Variants in MOB1B observed in about 807,000 individuals in gnomAD.
The protein encoded by MOB1B is MOB1 Mps One Binder homolog B.
Under a neutral mutation model 24.4 loss-of-function variants are expected in MOB1B, and 19 were observed. The observed-to-expected ratio is 0.78, with a 90% CI of 0.54 to 1.14. The LOEUF (loss-of-function observed/expected upper bound fraction) is 1.14. Ranked by LOEUF, MOB1B falls within the 50% of genes most tolerant of loss-of-function variation. The pLI is 0.00. For missense variants in MOB1B, 243 were observed against 259.6 expected, an observed-to-expected ratio of 0.94 and a Z score of 0.44; for synonymous variants, 76 against 82.1, an observed-to-expected ratio of 0.93 and a Z score of 0.40.
intron 5 of MOB1B, 99 bp from the exon 6 acceptor site, chr4:70,981,881 A>G (rs1201909466): frequency 7.4e-6 from 6 of 810,714 alleles, no homozygotes; most frequent in South Asian, 1.6e-5. Flanking sequence ...ATGTACTTCA[A>G]AAGCTAATTT....
intron 1 of MOB1B, among the ~76,000 whole-genome samples, chr4:70,949,203 T>A (rs1015513169): frequency 6.6e-6 from 1 of 152,204 alleles, no homozygotes; most frequent in African/African-American, 2.4e-5. Flanking sequence ...CAGATAGTGT[T>A]CTTTCTTTTT....
At chr4:70,974,451 C>T (rs1293163833) in intron 3 of MOB1B, among the ~76,000 whole-genome samples, 1 of 152,040 alleles carries the variant, frequency 6.6e-6, no homozygotes, top group African/African-American at 2.4e-5. Context: ...CTTGAGTCTG[C>T]GTTTTCTACT....
chr4:70,954,435 AT>A (rs1560653137), intron 1 of MOB1B, among the ~76,000 whole-genome samples: 1 of 152,026 alleles, frequency 6.6e-6, no homozygotes, highest in African/African-American at 2.4e-5. Context: ...TTGAATTCAG[AT>A]TTTATTTTTT....
At chr4:70,913,300 GTAT>G (rs1560629046) in intron 1 of MOB1B, among the ~76,000 whole-genome samples, 1 of 147,316 alleles carries the variant, frequency 6.8e-6, no homozygotes, top group East Asian at 2.1e-4. Flanking sequence ...ATGTATGTAT[GTAT>G]CTATGTATTT....
intron 2 of MOB1B, among the ~76,000 whole-genome samples, chr4:70,967,770 T>G (rs913939762): frequency 3.9e-5 from 6 of 152,154 alleles, no homozygotes; most frequent in African/African-American, 1.4e-4. Flanking sequence ...GGAACAAATC[T>G]AATGAAACCT....
At chr4:70,959,479 G>A (rs929325876) in intron 2 of MOB1B, among the ~76,000 whole-genome samples, 1 of 152,142 alleles carries the variant, frequency 6.6e-6, no homozygotes, top group Non-Finnish European at 1.5e-5. Context: ...CTTTCACGGT[G>A]CTAGGATTAC....
At position 70,982,413 on chromosome 4, in the gene MOB1B, T is replaced by C. The variant is rs1739243242; in HGVS notation, c.*356T>C. 1 of 171,848 alleles carries C rather than the reference T, an allele frequency of 5.8e-6. No homozygotes were observed. Among genetic ancestry groups the C allele is most frequent in the Non-Finnish European group, 1.2e-5 (1 of 80,816 alleles). 10.6% of individuals were successfully genotyped at this position (171,848 alleles called of 1,614,324 possible). A position where few individuals can be genotyped will look rare whatever the true frequency, so the allele number is the denominator to read the frequency against. On this transcript the variant is annotated 3_prime_UTR_variant, in exon 6 of 6. Transcript: ENST00000309395. ...TATAAATTGTGGCCCATTTATGAAG[T>C]CCCCAAAAGAGTTATGTTTTTAAGT...
At chr4:70,956,878 C>CTTGAA (rs1262256098) in intron 1 of MOB1B, among the ~76,000 whole-genome samples, 1 of 152,106 alleles carries the variant, frequency 6.6e-6, no homozygotes, top group African/African-American at 2.4e-5. Context: ...ATACCTGTTA[C>CTTGAA]TTGAATTGTA....
At position 70,983,746 on chromosome 4, in the gene MOB1B, A is replaced by C. The variant is rs1411799407; in HGVS notation, c.*1689A>C. On this transcript the variant is annotated 3_prime_UTR_variant, in exon 6 of 6. Coordinates refer to ENST00000309395, the MANE Select transcript of MOB1B (RefSeq NM_173468.4). ...ATGCCATTACAATTATGTTGACTAG[A>C]AACTGCCTTTTTCTCCACTTCATTT... 6.6e-6 allele frequency: 1 copy of C among 152,610 alleles called. No individual in the cohort carries two copies. The highest frequency in any genetic ancestry group is 1.5e-5 in the Non-Finnish European group (1 of 67,988). 9.5% of individuals were successfully genotyped at this position (152,610 alleles called of 1,614,324 possible). A position where few individuals can be genotyped will look rare whatever the true frequency, so the allele number is the denominator to read the frequency against.
At chr4:70,905,642 C>T (rs1560624484) in intron 1 of MOB1B, among the ~76,000 whole-genome samples, 2 of 152,102 alleles carry the variant, frequency 1.3e-5, no homozygotes, top group South Asian at 4.1e-4. Flanking sequence ...TGGAAGCTTA[C>T]TGGGAAGCCT....
intron 1 of MOB1B, among the ~76,000 whole-genome samples, chr4:70,910,159 G>A (rs905931663): frequency 2.6e-5 from 4 of 151,492 alleles, no homozygotes; most frequent in Non-Finnish European, 5.9e-5. Context: ...TCCTGCCTCC[G>A]CCTGCTGAGT....
intron 2 of MOB1B, among the ~76,000 whole-genome samples, chr4:70,962,793 G>C (rs1202249356): frequency 6.6e-6 from 1 of 152,106 alleles, no homozygotes; most frequent in East Asian, 1.9e-4. Context: ...GAGCTCAGGA[G>C]TTCAAGACCA....
chr4:70,911,641 C>T (rs1252812996), intron 1 of MOB1B, among the ~76,000 whole-genome samples: 1 of 151,944 alleles, frequency 6.6e-6, no homozygotes, highest in Non-Finnish European at 1.5e-5. Context: ...TTATTGATTT[C>T]TTTCTCTAAG....
rs1354856355 is a variant in MOB1B at position 70,902,506 on chromosome 4, C to T, written c.-31C>T. ...CCACGCCGCTCCGAGGCCTCGCGAC[C>T]GCCGAGCCTGCAGCCTGCCCCGCGG... On this transcript the variant is annotated 5_prime_UTR_variant, in exon 1 of 6. Coordinates refer to ENST00000309395, the MANE Select transcript of MOB1B (RefSeq NM_173468.4). 3.2e-6 allele frequency: 5 copies of T among 1,557,712 alleles called. No homozygotes were observed. Among genetic ancestry groups the T allele is most frequent in the African/African-American group, 2.7e-5 (2 of 73,546 alleles).
chr4:70,924,673 C>T lies in MOB1B; in HGVS notation c.14+22123C>T, dbSNP rs557468257. ...GCAGGCCACAGTGTGTGATATTCCC[C>T]GCCCTGTGTCCAGTTGATCTCATTG... On this transcript the variant is annotated intron_variant, in intron 1 of 5. Coordinates refer to ENST00000309395, the MANE Select transcript of MOB1B (RefSeq NM_173468.4). Among the ~76,000 whole-genome samples, 4 of 152,244 alleles carry T rather than the reference C, an allele frequency of 2.6e-5. No individual in the cohort carries two copies. In the East Asian group the frequency reaches 5.8e-4, roughly 22 times the overall value.
At chr4:70,935,671 C>A (rs1034121137) in intron 1 of MOB1B, among the ~76,000 whole-genome samples, 2 of 136,620 alleles carry the variant, frequency 1.5e-5, no homozygotes, top group Non-Finnish European at 3.2e-5. Context: ...TTTTTTTTTT[C>A]TTTTGAGACA....
At position 70,950,252 on chromosome 4, in the gene MOB1B, A is replaced by G. The variant is rs527318195; in HGVS notation, c.15-8622A>G. Among the ~76,000 whole-genome samples, 162 of 152,102 alleles carry G rather than the reference A, an allele frequency of 1.1e-3. 1 individual carries two copies. Among genetic ancestry groups the G allele is most frequent in the African/African-American group, 3.9e-3 (160 of 41,504 alleles). The stretch of plus-strand genomic sequence containing the variant: ...GGAGTTCGAGACCAGCCTGGCCAAC[A>G]TGGTGAAACCCCGTCTCTACTAAAA... On this transcript the variant is annotated intron_variant, in intron 1 of 5. Transcript: ENST00000309395.
chr4:70,969,577 C>T (rs1329700861), intron 2 of MOB1B, among the ~76,000 whole-genome samples: 1 of 152,176 alleles, frequency 6.6e-6, no homozygotes, highest in Non-Finnish European at 1.5e-5. Context: ...CATTTGACCA[C>T]CTGGAAATTT....
chr4:70,943,332 GCTGTTATAA>G (rs1323266547), intron 1 of MOB1B, among the ~76,000 whole-genome samples: 1 of 152,190 alleles, frequency 6.6e-6, no homozygotes, highest in Non-Finnish European at 1.5e-5. Flanking sequence ...GAACAGCACA[GCTGTTATAA>G]CTGTGATGAT....
Sources: gnomAD v4.1 joint callset for allele counts (sites outside exome capture counted in the v4.1 genomes callset) on GRCh38, gnomAD v4.1.1 for gene constraint, MANE v1.5 for transcripts, NCBI Gene and HGNC (gene_info 2026-07-23, HGNC 2026-07-21) for gene names.